The following SNAP47 variants were observed in gnomAD, a reference collection of about 807,000 sequenced individuals.
SNAP47 encodes the protein synaptosome associated protein 47, also known as synaptosomal-associated protein 47.
Under a neutral mutation model 31.4 loss-of-function variants are expected in SNAP47, and 20 were observed. The observed-to-expected ratio is 0.64, with a 90% confidence interval of 0.45 to 0.93. The LOEUF is 0.93. Among genes scored for constraint, SNAP47 ranks in the 40% least tolerant of loss-of-function variants. SNAP47 has a pLI of 0.00. For synonymous variants in SNAP47, 194 were observed against 213.4 expected, an observed-to-expected ratio of 0.91 and a Z score of 0.79; for missense variants, 492 against 528.5, an observed-to-expected ratio of 0.93 and a Z score of 0.68.
intron 4 of SNAP47, among the ~76,000 whole-genome samples, chr1:227,775,072 G>A (rs114210203): frequency 6.6e-6 from 1 of 152,214 alleles, no homozygotes; most frequent in Non-Finnish European, 1.5e-5. Context: ...CTGAGGAGGG[G>A]GGCCCTGCAT....
chr1:227,735,510 G>GTGTTGGTC lies in SNAP47; in HGVS notation c.-46+18_-46+25dup. On this transcript the variant is annotated intron_variant, in intron 1 of 4. Coordinates refer to ENST00000617596, the MANE Select transcript of SNAP47 (RefSeq NM_053052.4). ...TCTGGCGTCCCTCAGGTGAGCGACG[G>GTGTTGGTC]TGTTGGTCTGTTGGGCGCCCGGCCC... is the stretch of plus-strand genomic sequence containing the variant. The GTGTTGGTC allele has an allele frequency of 7.2e-7, 1 of 1,392,662 alleles. No homozygotes were observed. Among genetic ancestry groups the GTGTTGGTC allele is most frequent in the Non-Finnish European group, 9.2e-7 (1 of 1,081,834 alleles). The allele number at this position is 1,392,662 out of a possible 1,614,324, so 86.3% of individuals were successfully genotyped here.
At chr1:227,734,878 G>A, upstream of SNAP47, 1 of 1,598,434 alleles carries the variant, frequency 6.3e-7, no homozygotes, top group Non-Finnish European at 8.6e-7. Flanking sequence ...CAAACCGTCT[G>A]CAGAGGAACT....
chr1:227,777,455 C>T (rs1664230294), intron 4 of SNAP47, among the ~76,000 whole-genome samples: 1 of 152,152 alleles, frequency 6.6e-6, no homozygotes, highest in South Asian at 2.1e-4. Context: ...TTCATGCCTC[C>T]CTGTGGTCCT....
chr1:227,780,545 G>C lies in SNAP47; in HGVS notation c.1132G>C (p.Gly378Arg). The change falls in exon 5 of 5, where the codon GGG (glycine) becomes CGG (arginine). Residue 378 changes from glycine (G) to arginine (R), a missense_variant. By Grantham distance (125) the Gly-to-Arg change is moderately radical (BLOSUM62 -2). Coordinates refer to ENST00000617596, the MANE Select transcript of SNAP47 (RefSeq NM_053052.4). ...TCCCCAGATCCTGAGGAGGATGAAGGGGCTGGCCCTGGAGGCCGAGAGTGA... is the reference window on the plus strand; with the variant it reads ...TCCCCAGATCCTGAGGAGGATGAAGCGGCTGGCCCTGGAGGCCGAGAGTGA... ...ELTQILRRMKGLALEAESELE... is the reference protein window; with the variant it reads ...ELTQILRRMKRLALEAESELE... 1 of 1,614,076 alleles carries C rather than the reference G, an allele frequency of 6.2e-7. No individual in the cohort carries two copies. The highest frequency in any genetic ancestry group is 8.5e-7 in the Non-Finnish European group (1 of 1,180,034).
chr1:227,750,747 G>A (rs1284018558), intron 2 of SNAP47, among the ~76,000 whole-genome samples: 1 of 152,216 alleles, frequency 6.6e-6, no homozygotes, highest in African/African-American at 2.4e-5. Flanking sequence ...GAGGCTGTGG[G>A]TGCACAATGT....
intron 2 of SNAP47, among the ~76,000 whole-genome samples, chr1:227,749,697 A>G (rs1464288917): frequency 6.6e-6 from 1 of 151,256 alleles, no homozygotes; most frequent in Non-Finnish European, 1.5e-5. Context: ...GTCCTTCTCT[A>G]TTGCTCTCTA....
At chr1:227,767,699 A>C (rs1663526432) in intron 4 of SNAP47, among the ~76,000 whole-genome samples, 1 of 151,476 alleles carries the variant, frequency 6.6e-6, no homozygotes, top group South Asian at 2.1e-4. Flanking sequence ...TTGTGTGTGG[A>C]GCGTGCATGT....
chr1:227,737,628 G>A (rs897547612), intron 1 of SNAP47, among the ~76,000 whole-genome samples: 1 of 152,192 alleles, frequency 6.6e-6, no homozygotes, highest in Non-Finnish European at 1.5e-5. Flanking sequence ...CTGGGGCTCT[G>A]AGCCTTGCTG....
In SNAP47 at chr1:227,747,914, G is replaced by T. The variant is rs773130854; in HGVS notation, c.178G>T (p.Ala60Ser). ...CAGCATAGTTGAGATCAAGAAGGAG[G>T]CTTCACATTTTATCTTCAGCTCCAT... ...LSSIVEIKKEASHFIFSSITI... is the reference protein window; with the variant it reads ...LSSIVEIKKESSHFIFSSITI... The change falls in exon 2 of 5, where the codon GCT (alanine) becomes TCT (serine). Residue 60 changes from alanine (A) to serine (S), a missense_variant. By Grantham distance (99) the Ala-to-Ser change is moderately conservative. Coordinates refer to ENST00000617596, the MANE Select transcript of SNAP47 (RefSeq NM_053052.4). The T allele has an allele frequency of 3.7e-6, 6 of 1,614,198 alleles. No homozygotes were observed. The East Asian group carries it at 1.1e-4, about 30-fold the overall frequency.
At chr1:227,769,530 CA>C (rs1484046757) in intron 4 of SNAP47, among the ~76,000 whole-genome samples, 2 of 152,056 alleles carry the variant, frequency 1.3e-5, no homozygotes, top group Admixed American at 6.6e-5. Flanking sequence ...CCCCTTCATC[CA>C]GCTGTGGTTT....
chr1:227,734,656 C>A, upstream of SNAP47: 2 of 1,614,064 alleles, frequency 1.2e-6, no homozygotes, highest in Non-Finnish European at 1.7e-6. Flanking sequence ...ATTACCTGCA[C>A]AAGTGCCAGT....
chr1:227,739,653 A>G (rs1442010524), intron 1 of SNAP47, among the ~76,000 whole-genome samples: 1 of 152,214 alleles, frequency 6.6e-6, no homozygotes, highest in Non-Finnish European at 1.5e-5. Flanking sequence ...TTTACTGGGT[A>G]CTGAGCCTCA....
rs143432833 is a variant in SNAP47 at position 227,769,037 on chromosome 1, T to A, written c.1113+1954T>A. ...CCTCAAGTGTCCACACATCAGACTCTCCTGTCACGTGTGGCGTGTTCTTCA... is the reference window on the plus strand; with the variant it reads ...CCTCAAGTGTCCACACATCAGACTCACCTGTCACGTGTGGCGTGTTCTTCA... On this transcript the variant is annotated intron_variant, in intron 4 of 4. Coordinates refer to ENST00000617596, the MANE Select transcript of SNAP47 (RefSeq NM_053052.4). Among the ~76,000 whole-genome samples the A allele has an allele frequency of 2.0e-5, 3 of 152,358 alleles. No individual in the cohort carries two copies. The East Asian group carries it at 5.8e-4, about 29-fold the overall frequency.
At chr1:227,766,414 G>A (rs1038251200) in intron 3 of SNAP47, among the ~76,000 whole-genome samples, 13 of 152,240 alleles carry the variant, frequency 8.5e-5, no homozygotes, top group African/African-American at 2.7e-4. Flanking sequence ...GACTGCCTCT[G>A]GCAGGTGGCT....
At chr1:227,733,533 G>A (rs747508812), upstream of SNAP47, 4 of 1,606,834 alleles carry the variant, frequency 2.5e-6, no homozygotes, top group Admixed American at 6.8e-5. Context: ...GTGTCGCAGA[G>A]TGCTGGGGAG....
At chr1:227,772,589 T>C (rs968334868) in intron 4 of SNAP47, among the ~76,000 whole-genome samples, 1 of 152,150 alleles carries the variant, frequency 6.6e-6, no homozygotes, top group Non-Finnish European at 1.5e-5. Flanking sequence ...TGCTCTCAAG[T>C]CTTTGGGGTA....
In SNAP47 at chr1:227,759,785, A is replaced by ATT. The variant is rs1662946107; in HGVS notation, c.988+302_988+303dup. On this transcript the variant is annotated intron_variant, in intron 3 of 4. Coordinates refer to ENST00000617596, the MANE Select transcript of SNAP47 (RefSeq NM_053052.4). ...TATCCTCACCAAAGCTCATGTGGAAATTTGGTCGCCAGTGTGGCAGGGCTG... is the reference window on the plus strand; with the variant it reads ...TATCCTCACCAAAGCTCATGTGGAAATTTTTGGTCGCCAGTGTGGCAGGGCTG... 10 of 409,634 alleles carry ATT rather than the reference A, an allele frequency of 2.4e-5. No individual in the cohort carries two copies. The South Asian group carries it at 2.9e-4, about 12-fold the overall frequency. The allele number at this position is 409,634 out of a possible 1,614,324, so 25.4% of individuals were successfully genotyped here.
intron 1 of SNAP47, among the ~76,000 whole-genome samples, chr1:227,742,901 C>G (rs1269464969): frequency 6.6e-6 from 1 of 152,222 alleles, no homozygotes; most frequent in Non-Finnish European, 1.5e-5. Context: ...GCTGGGTGGC[C>G]TTGCAGCTGC....
At chr1:227,729,737 A>G (rs1660520150) in intron 1 of SNAP47, among the ~76,000 whole-genome samples, 1 of 152,288 alleles carries the variant, frequency 6.6e-6, no homozygotes, top group South Asian at 2.1e-4. Context: ...AGCCAGCAAC[A>G]ACTTGACCTG....
Sources: allele counts gnomAD v4.1 joint callset (sites outside exome capture counted in the v4.1 genomes callset), GRCh38; gene constraint gnomAD v4.1.1; transcripts MANE v1.5; gene names NCBI Gene and HGNC (gene_info 2026-07-23, HGNC 2026-07-21).